Variants in PDE10A observed in about 807,000 individuals in gnomAD.
PDE10A encodes phosphodiesterase 10A.
A neutral mutation model predicts 97.7 loss-of-function variants in PDE10A; 39 were observed. That is an observed-to-expected ratio of 0.40 (90% confidence interval 0.31 to 0.52). The LOEUF is 0.52. Among genes scored for constraint, PDE10A ranks in the 20% least tolerant of loss-of-function variants. The pLI, the probability that PDE10A is intolerant of heterozygous loss-of-function variation, is 0.56. For synonymous variants in PDE10A, 371 were observed against 376.8 expected (o/e 0.98, Z 0.18); for missense variants, 731 against 1,047.8 (o/e 0.70, Z 4.17).
Position 165,671,694 on chromosome 6 carries a change from T to TCACACACA in PDE10A, c.-614-128134_-614-128127dup, listed in dbSNP as rs113167831. On this transcript the variant is annotated intron_variant, in intron 1 of 19. Transcript: ENST00000366882. The surrounding 1 kb of genome is among the most constrained non-coding windows in gnomAD (Gnocchi z 4.6). The stretch of plus-strand genomic sequence containing the variant: ...AAAACGGATGAAAAGCAGCTAGATA[T>TCACACACA]CACACACACACACACACATATATAT... 2.0e-5 allele frequency among the ~76,000 whole-genome samples: 3 copies of TCACACACA among 151,278 alleles called. No individual in the cohort carries two copies. Among genetic ancestry groups the TCACACACA allele is most frequent in the Non-Finnish European group, 3.0e-5 (2 of 67,690 alleles).
chr6:165,914,275 CA>C (rs1468160619), intron 1 of PDE10A, among the ~76,000 whole-genome samples: 2 of 152,196 alleles, frequency 1.3e-5, no homozygotes, highest in Non-Finnish European at 2.9e-5. Context: ...ACTTAGAAGA[CA>C]GACGGACATT....
chr6:165,776,448 A>C (rs1244928193), intron 1 of PDE10A, among the ~76,000 whole-genome samples: 1 of 152,260 alleles, frequency 6.6e-6, no homozygotes, highest in Non-Finnish European at 1.5e-5. Flanking sequence ...AAAGAAGGCA[A>C]ATAAATGTTT....
intron 1 of PDE10A, among the ~76,000 whole-genome samples, chr6:165,842,264 A>T (rs1322511881): frequency 6.6e-6 from 1 of 152,226 alleles, no homozygotes; most frequent in East Asian, 1.9e-4. Context: ...ATTCAGAGCT[A>T]CAGATAACAG....
intron 8 of PDE10A, among the ~76,000 whole-genome samples, 165 bp downstream of exon 8, chr6:165,431,257 A>C (rs1473128902): frequency 2.0e-5 from 3 of 151,116 alleles, no homozygotes; most frequent in Non-Finnish European, 4.4e-5. Context: ...GGCAGGGAGT[A>C]AGTAAATATA....
intron 1 of PDE10A, among the ~76,000 whole-genome samples, chr6:165,611,488 G>A (rs551447423): frequency 1.4e-4 from 22 of 152,322 alleles, no homozygotes; most frequent in Middle Eastern, 3.4e-3. Flanking sequence ...GGGCCACACC[G>A]TGTGCCTTCC....
intron 1 of PDE10A, among the ~76,000 whole-genome samples, chr6:165,609,292 T>C (rs1485119023): frequency 1.3e-5 from 2 of 152,296 alleles, no homozygotes; most frequent in East Asian, 3.9e-4. Flanking sequence ...GAAAAGGCCT[T>C]TGACAAAATT....
chr6:165,971,282 T>A (rs1340859661), intron 1 of PDE10A, among the ~76,000 whole-genome samples: 1 of 152,214 alleles, frequency 6.6e-6, no homozygotes, highest in Non-Finnish European at 1.5e-5. Context: ...AGACCCCTCA[T>A]TGACTCGTGA....
chr6:165,376,432 G>C (rs1300478229), intron 18 of PDE10A, among the ~76,000 whole-genome samples: 1 of 152,226 alleles, frequency 6.6e-6, no homozygotes, highest in African/African-American at 2.4e-5. Flanking sequence ...GTCAGCAAAG[G>C]ATTTAGAATA....
intron 10 of PDE10A, among the ~76,000 whole-genome samples, chr6:165,420,508 C>T (rs754780522): frequency 1.3e-5 from 2 of 152,050 alleles, no homozygotes; most frequent in Non-Finnish European, 2.9e-5. Context: ...ATTCACAAAC[C>T]CATGAGATTT....
chr6:165,538,313 T>C (rs1000267798), intron 2 of PDE10A, among the ~76,000 whole-genome samples: 1 of 151,868 alleles, frequency 6.6e-6, no homozygotes, highest in Non-Finnish European at 1.5e-5. Context: ...AATATTTTCA[T>C]TACTAATTAT....
At chr6:165,432,466 C>T (rs749111212) in intron 7 of PDE10A, among the ~76,000 whole-genome samples, 1 of 152,132 alleles carries the variant, frequency 6.6e-6, no homozygotes, top group Non-Finnish European at 1.5e-5. Context: ...TGGGTTCATT[C>T]AGGCAAGTGA....
At chr6:165,501,627 T>C (rs1006936292) in intron 2 of PDE10A, among the ~76,000 whole-genome samples, 4 of 151,422 alleles carry the variant, frequency 2.6e-5, no homozygotes, top group African/African-American at 7.3e-5. Flanking sequence ...AATGAATATG[T>C]GAGTTCAGTA....
rs944055834 is a variant in PDE10A at position 165,661,575 on chromosome 6, G to A, written c.865+372C>T. 4.5e-5 allele frequency: 9 copies of A among 201,722 alleles called. No homozygotes were observed. Among genetic ancestry groups the A allele is most frequent in the African/African-American group, 1.6e-4 (7 of 42,964 alleles). The allele number at this position is 201,722 out of a possible 1,614,324, so 12.5% of individuals were successfully genotyped here. On this transcript the variant is annotated intron_variant, in intron 1 of 21. Coordinates refer to ENST00000539869, the MANE Select transcript of PDE10A (RefSeq NM_001385079.1). This position sits in a 1 kb window ranked among gnomAD's most constrained non-coding sequence, Gnocchi z 4.8. ...AAGTGGCCACAGGCTCAAGAGGGAGGAACCTAAGTGGTCACAAAGTTGAGT... is the reference window on the plus strand; with the variant it reads ...AAGTGGCCACAGGCTCAAGAGGGAGAAACCTAAGTGGTCACAAAGTTGAGT...
chr6:165,342,479 G>C lies in PDE10A; in HGVS notation c.2895+912C>G, dbSNP rs188618376. On this transcript the variant is annotated intron_variant, in intron 19 of 21. Coordinates refer to ENST00000539869, the MANE Select transcript of PDE10A (RefSeq NM_001385079.1). ...GGAGTATAATCAACTCAAGGTCTGT[G>C]ATCCTCATACAGTAAACATACTTTG... 2.6e-5 allele frequency among the ~76,000 whole-genome samples: 4 copies of C among 152,360 alleles called. No individual in the cohort carries two copies. The East Asian group carries it at 7.7e-4, about 29-fold the overall frequency.
chr6:165,933,909 A>C (rs1381662682), intron 1 of PDE10A, among the ~76,000 whole-genome samples: 1 of 152,164 alleles, frequency 6.6e-6, no homozygotes, highest in Non-Finnish European at 1.5e-5. Flanking sequence ...ACAGCACAGC[A>C]AGAGGGGTTT....
intron 18 of PDE10A, among the ~76,000 whole-genome samples, chr6:165,371,322 T>C (rs1562392357): frequency 6.6e-6 from 1 of 152,024 alleles, no homozygotes; most frequent in Non-Finnish European, 1.5e-5. Context: ...ACAAAATTGA[T>C]AGACTGCTAG....
At chr6:165,798,810 C>T (rs1209759003) in intron 1 of PDE10A, among the ~76,000 whole-genome samples, 3 of 152,110 alleles carry the variant, frequency 2.0e-5, no homozygotes, top group Non-Finnish European at 4.4e-5. Context: ...CAGGTTCAGG[C>T]GATTCTCGTG....
rs777212417 is a variant in PDE10A, at chr6:165,413,633, G to A, written c.1944C>T (p.Ile648=). Residue 648 remains isoleucine (I), a synonymous_variant, in exon 13 of 22, where the codon ATC becomes ATT. Transcript: ENST00000539869. ...YTTRNILCMP[I]VSRGSVIGVV... ...CACCTATCACGCTGCCTCGGCTGAC[G>A]ATGGGCATGCACAGGATGTTCCGCG... The A allele has an allele frequency of 1.2e-5, 19 of 1,614,130 alleles. No homozygotes were observed. The highest frequency in any genetic ancestry group is 2.2e-5 in the East Asian group (1 of 44,880).
In PDE10A at chr6:165,661,880, C is replaced by T. The variant is rs1048918661; in HGVS notation, c.865+67G>A. On this transcript the variant is annotated intron_variant, in intron 1 of 21. Coordinates refer to ENST00000539869, the MANE Select transcript of PDE10A (RefSeq NM_001385079.1). This position sits in a 1 kb window ranked among gnomAD's most constrained non-coding sequence, Gnocchi z 4.8. ...CCCGCTTCCCACCCAGCAGTCCAAG[C>T]CCCCCACCTGCCCCCAGGGGATGAG... is the stretch of plus-strand genomic sequence containing the variant. The T allele has an allele frequency of 3.3e-5, 24 of 729,090 alleles. No homozygotes were observed. The East Asian group carries it at 3.7e-4, about 11-fold the overall frequency. The allele number at this position is 729,090 out of a possible 1,614,324, so 45.2% of individuals were successfully genotyped here.
Sources: gnomAD v4.1 joint callset for allele counts (sites outside exome capture counted in the v4.1 genomes callset) on GRCh38, gnomAD v4.1.1 for gene constraint, Gnocchi (gnomAD v3.1) non-coding constraint, MANE v1.5 for transcripts, NCBI Gene and HGNC (gene_info 2026-07-23, HGNC 2026-07-21) for gene names.